Variants in ADAMTS6 observed in about 807,000 individuals in gnomAD.
ADAMTS6 encodes the protein A disintegrin and metalloproteinase with thrombospondin motifs 6.
In ADAMTS6, 23 loss-of-function variants were observed where a neutral mutation model predicts 144.3. The observed-to-expected ratio is 0.16, with a 90% confidence interval of 0.11 to 0.23. The LOEUF (loss-of-function observed/expected upper bound fraction) is 0.23, where lower values mean the gene tolerates loss of function less well. ADAMTS6 is among the 10% of genes least tolerant of loss of function. ADAMTS6 has a pLI of 1.00. For synonymous variants in ADAMTS6, 444 were observed against 457.5 expected (o/e 0.97, Z 0.38); for missense variants, 999 against 1,379.6 (o/e 0.72, Z 4.37).
intron 14 of ADAMTS6, among the ~76,000 whole-genome samples, chr5:65,253,014 A>G (rs1760316649): frequency 1.3e-5 from 2 of 151,962 alleles, no homozygotes; most frequent in Middle Eastern, 3.2e-3. Flanking sequence ...CAGCCTCCCA[A>G]GTAGCTGGGA....
At chr5:65,228,223 T>C (rs1313926929) in intron 15 of ADAMTS6, among the ~76,000 whole-genome samples, 1 of 147,146 alleles carries the variant, frequency 6.8e-6, no homozygotes, top group Admixed American at 6.6e-5. Flanking sequence ...TGGAATTTAA[T>C]ATAGCATTTT....
chr5:65,432,190 T>C (rs1051697560), intron 7 of ADAMTS6, among the ~76,000 whole-genome samples: 1 of 151,948 alleles, frequency 6.6e-6, no homozygotes, highest in Non-Finnish European at 1.5e-5. Flanking sequence ...TTAGTAGATA[T>C]CATCTCAAAA....
intron 21 of ADAMTS6, 77 bp downstream of exon 21, chr5:65,196,945 T>C (rs1755425750): frequency 6.0e-6 from 9 of 1,500,178 alleles, no homozygotes; most frequent in South Asian, 1.4e-5. Flanking sequence ...CATATAAATA[T>C]ATTTCCAAAC....
chr5:65,385,502 A>G (rs901002337), intron 7 of ADAMTS6, among the ~76,000 whole-genome samples: 1 of 152,198 alleles, frequency 6.6e-6, no homozygotes, highest in Non-Finnish European at 1.5e-5. Flanking sequence ...AGATTATATT[A>G]GTATGAAATC....
rs578253500 is a variant in ADAMTS6, at chr5:65,333,938, T to A, written c.1117+104A>T. ...TGTACAGAAAGGAAAATGACCAAAT[T>A]AATAATAAAGATTAAAGTCATTGGT... On this transcript the variant is annotated intron_variant, in intron 8 of 24. Transcript: ENST00000381055. 51 of 1,134,294 alleles carry A rather than the reference T, an allele frequency of 4.5e-5. No individual in the cohort carries two copies. The African/African-American group carries it at 6.4e-4, about 14-fold the overall frequency. 70.3% of individuals were successfully genotyped at this position (1,134,294 alleles called of 1,614,324 possible).
At chr5:65,320,280 C>T (rs1285561693) in intron 9 of ADAMTS6, among the ~76,000 whole-genome samples, 3 of 152,122 alleles carry the variant, frequency 2.0e-5, no homozygotes, top group Non-Finnish European at 4.4e-5. Flanking sequence ...CATTAAAAAA[C>T]AATAACAGCG....
intron 7 of ADAMTS6, among the ~76,000 whole-genome samples, chr5:65,340,567 A>C (rs1201049395): frequency 6.6e-6 from 1 of 152,026 alleles, no homozygotes; most frequent in Non-Finnish European, 1.5e-5. Context: ...AAACCAAATA[A>C]CTGGAAAATG....
intron 4 of ADAMTS6, among the ~76,000 whole-genome samples, chr5:65,459,173 C>T (rs962061840): frequency 1.3e-5 from 2 of 152,050 alleles, no homozygotes; most frequent in African/African-American, 4.8e-5. Context: ...CCACCGCGCC[C>T]GGCCTGTTTC....
At chr5:65,334,823 T>A (rs1747149301) in intron 7 of ADAMTS6, among the ~76,000 whole-genome samples, 1 of 152,198 alleles carries the variant, frequency 6.6e-6, no homozygotes. Flanking sequence ...CTGTCAATAT[T>A]GATATAAACA....
At chr5:65,400,842 A>G (rs550841908) in intron 7 of ADAMTS6, among the ~76,000 whole-genome samples, 34 of 152,278 alleles carry the variant, frequency 2.2e-4, no homozygotes, top group African/African-American at 7.5e-4. Context: ...TAATAAGCCC[A>G]TCAAGGCATT....
At chr5:65,280,064 A>G (rs777363582) in intron 11 of ADAMTS6, among the ~76,000 whole-genome samples, 16 of 152,192 alleles carry the variant, frequency 1.1e-4, no homozygotes, top group Non-Finnish European at 2.1e-4. Context: ...TGTAGGCTGT[A>G]TATGGTTTTA....
chr5:65,473,544 A>T (rs16893856), intron 2 of ADAMTS6, 33 bp downstream of exon 2: 2 of 1,521,266 alleles, frequency 1.3e-6, no homozygotes, highest in Non-Finnish European at 1.8e-6. Flanking sequence ...TAATAGCAAT[A>T]TTTTTTGTCA....
rs1215437170 is a variant in ADAMTS6, at chr5:65,333,226, A to T, written c.1117+816T>A. ...TAAAAAGTCTCTATGACCTTAAAAAATTGAGAAAAAAAGCTTCTGTCCTTT... is the reference window on the plus strand; with the variant it reads ...TAAAAAGTCTCTATGACCTTAAAAATTTGAGAAAAAAAGCTTCTGTCCTTT... On this transcript the variant is annotated intron_variant, in intron 8 of 24. Coordinates refer to ENST00000381055, the MANE Select transcript of ADAMTS6 (RefSeq NM_197941.4). 2.6e-5 allele frequency among the ~76,000 whole-genome samples: 4 copies of T among 152,154 alleles called. No homozygotes were observed. In the East Asian group the frequency reaches 7.7e-4, roughly 29 times the overall value.
chr5:65,381,911 T>G, intron 7 of ADAMTS6, among the ~76,000 whole-genome samples: 1 of 152,224 alleles, frequency 6.6e-6, no homozygotes, highest in East Asian at 1.9e-4. Flanking sequence ...TAAGGTTATT[T>G]TCAAATTAGT....
intron 24 of ADAMTS6, among the ~76,000 whole-genome samples, chr5:65,156,349 AAAAC>A (rs755166794): frequency 3.3e-5 from 5 of 152,236 alleles, no homozygotes; most frequent in Middle Eastern, 3.4e-3. Flanking sequence ...AAAAACCAAA[AAAAC>A]AAAAACAAAA....
At chr5:65,177,187 C>T (rs1440985168) in intron 22 of ADAMTS6, among the ~76,000 whole-genome samples, 1 of 152,172 alleles carries the variant, frequency 6.6e-6, no homozygotes, top group African/African-American at 2.4e-5. Flanking sequence ...ACTCATCACA[C>T]CCGAGTCAAA....
At chr5:65,455,077 A>C (rs1373233974) in intron 4 of ADAMTS6, among the ~76,000 whole-genome samples, 2 of 152,220 alleles carry the variant, frequency 1.3e-5, no homozygotes, top group Admixed American at 6.5e-5. Context: ...AGTCATGCCT[A>C]GTCTCTTACT....
At chr5:65,407,281 G>C (rs562332692) in intron 7 of ADAMTS6, among the ~76,000 whole-genome samples, 2 of 151,976 alleles carry the variant, frequency 1.3e-5, no homozygotes, top group East Asian at 3.9e-4. Context: ...ACTAACAGCA[G>C]ATCTCTCGGC....
intron 7 of ADAMTS6, among the ~76,000 whole-genome samples, chr5:65,364,458 G>GC (rs1479590728): frequency 6.6e-6 from 1 of 151,880 alleles, no homozygotes; most frequent in Non-Finnish European, 1.5e-5. Flanking sequence ...ATATGAGTAT[G>GC]CCCCCTGGAG....
Sources: gnomAD v4.1 joint callset for allele counts (sites outside exome capture counted in the v4.1 genomes callset) on GRCh38, gnomAD v4.1.1 for gene constraint, MANE v1.5 for transcripts, NCBI Gene and HGNC (gene_info 2026-07-23, HGNC 2026-07-21) for gene names.